CLIC6: variants seen among roughly 807,000 people sequenced by gnomAD.
The protein encoded by CLIC6 is chloride intracellular channel protein 6.
A neutral mutation model predicts 49.2 loss-of-function variants in CLIC6; 39 were observed. That is an observed-to-expected ratio of 0.79 (90% CI 0.61 to 1.04). The LOEUF is 1.04. Among genes scored for constraint, CLIC6 ranks in the 50% least tolerant of loss-of-function variants. CLIC6 has a pLI of 0.00. For missense variants in CLIC6, 988 were observed against 993.1 expected (o/e 0.99, Z 0.07); for synonymous variants, 446 against 433.4 (o/e 1.03, Z -0.36).
chr21:34,705,587 C>T (rs1009579314), intron 1 of CLIC6, among the ~76,000 whole-genome samples: 1 of 152,012 alleles, frequency 6.6e-6, no homozygotes, highest in Admixed American at 6.6e-5. Context: ...TTAATGCTGG[C>T]GTGGGGAGGG....
At chr21:34,705,964 A>C in intron 1 of CLIC6, 1 of 625,546 alleles carries the variant, frequency 1.6e-6, no homozygotes. Flanking sequence ...AGCAGGACCC[A>C]CTGAATCAAA....
chr21:34,670,426 C>T lies in CLIC6; in HGVS notation c.1038C>T (p.Ala346=). 2.1e-6 allele frequency: 3 copies of T among 1,461,120 alleles called. No homozygotes were observed. Among genetic ancestry groups the T allele is most frequent in the Non-Finnish European group, 2.7e-6 (3 of 1,107,444 alleles). 90.5% of individuals were successfully genotyped at this position (1,461,120 alleles called of 1,614,324 possible). A position where few individuals can be genotyped will look rare whatever the true frequency, so the allele number is the denominator to read the frequency against. Residue 346 remains alanine, a synonymous_variant, in exon 1 of 6, where the codon GCC becomes GCT. Coordinates refer to ENST00000349499, the MANE Select transcript of CLIC6 (RefSeq NM_053277.3). Reference sequence around the variant, plus strand: ...GGGTAAAGGGGTCCGAAGAAGCGGCCCCCGGGGACGCAAGGGCAGACGCTG... The same window carrying T: ...GGGTAAAGGGGTCCGAAGAAGCGGCTCCCGGGGACGCAAGGGCAGACGCTG... ...VPGVKGSEEA[A]PGDARADAGE...
In CLIC6 at chr21:34,670,279, G is replaced by A. The variant is rs1245953034; in HGVS notation, c.891G>A (p.Gln297=). 3.5e-6 allele frequency: 5 copies of A among 1,443,284 alleles called. No homozygotes were observed. Among genetic ancestry groups the A allele is most frequent in the Admixed American group, 2.7e-5 (1 of 36,412 alleles). 89.4% of individuals were successfully genotyped at this position (1,443,284 alleles called of 1,614,324 possible). A position where few individuals can be genotyped will look rare whatever the true frequency, so the allele number is the denominator to read the frequency against. The change falls in exon 1 of 6, where the codon CAG becomes CAA. Residue 297 remains glutamine (Q), a synonymous_variant. Coordinates refer to ENST00000349499, the MANE Select transcript of CLIC6 (RefSeq NM_053277.3). The part of the protein sequence containing the change: ...GRARRVSGEP[Q]QSGDGSLSPQ... Reference sequence around the variant, plus strand: ...CGCGCCGGGTCTCGGGTGAGCCGCAGCAATCGGGGGACGGCAGCCTCTCGC... The same window carrying A: ...CGCGCCGGGTCTCGGGTGAGCCGCAACAATCGGGGGACGGCAGCCTCTCGC...
intron 1 of CLIC6, among the ~76,000 whole-genome samples, chr21:34,704,590 T>G (rs2834595): frequency 0.055 from 8,322 of 152,260 alleles, 746 homozygotes; most frequent in African/African-American, 0.19. Flanking sequence ...TTCCGTGTCT[T>G]AAGCTGTGGC....
chr21:34,695,080 G>A (rs750983823), intron 1 of CLIC6, among the ~76,000 whole-genome samples: 1 of 152,182 alleles, frequency 6.6e-6, no homozygotes, highest in Non-Finnish European at 1.5e-5. Context: ...CAGTTCTGTT[G>A]ATCAGAAACT....
intron 1 of CLIC6, among the ~76,000 whole-genome samples, chr21:34,681,900 T>C (rs1351273076): frequency 6.6e-6 from 1 of 152,192 alleles, no homozygotes; most frequent in African/African-American, 2.4e-5. Flanking sequence ...ACATCTACTT[T>C]TTTTTCCACA....
intron 1 of CLIC6, among the ~76,000 whole-genome samples, chr21:34,686,980 G>A (rs1209846973): frequency 6.6e-6 from 1 of 152,166 alleles, no homozygotes; most frequent in Non-Finnish European, 1.5e-5. Flanking sequence ...GGCAAACCTC[G>A]CTCAAATCCT....
chr21:34,692,228 G>A (rs1169423387), intron 1 of CLIC6, among the ~76,000 whole-genome samples: 4 of 152,362 alleles, frequency 2.6e-5, no homozygotes, highest in African/African-American at 7.2e-5. Context: ...CCTTCACTTT[G>A]TGTATAAGGA....
chr21:34,706,388 C>T (rs1487581122), intron 1 of CLIC6, among the ~76,000 whole-genome samples: 19 of 152,300 alleles, frequency 1.2e-4, no homozygotes, highest in Admixed American at 7.2e-4. Context: ...AATCACTTCC[C>T]GTCAGGCCCT....
At chr21:34,712,517 G>A (rs1439642259) in intron 5 of CLIC6, among the ~76,000 whole-genome samples, 1 of 152,142 alleles carries the variant, frequency 6.6e-6, no homozygotes, top group Non-Finnish European at 1.5e-5. Flanking sequence ...TTTGCTTGAG[G>A]CCTAGAGCAT....
intron 1 of CLIC6, among the ~76,000 whole-genome samples, chr21:34,694,821 GGC>G (rs1990063751): frequency 6.6e-6 from 1 of 152,200 alleles, no homozygotes; most frequent in African/African-American, 2.4e-5. Flanking sequence ...TGGCATCCAT[GGC>G]CATCATGCAA....
rs557705617 is a variant in CLIC6, at chr21:34,672,235, T to C, written c.1374+1473T>C. ...TGTGTAAAATTCTTCAGTTGTTTAT[T>C]GCAGAATTTCAGGTAAATCCCCACT... On this transcript the variant is annotated intron_variant, in intron 1 of 5. Coordinates refer to ENST00000349499, the MANE Select transcript of CLIC6 (RefSeq NM_053277.3). Among the ~76,000 whole-genome samples, 5 of 152,326 alleles carry C rather than the reference T, an allele frequency of 3.3e-5. No homozygotes were observed. In the East Asian group the frequency reaches 9.6e-4, roughly 29 times the overall value.
Position 34,669,280 on chromosome 21 carries a change from C to A in CLIC6, c.-109C>A. The A allele has an allele frequency of 1.1e-6, 1 of 925,086 alleles. No homozygotes were observed. Among genetic ancestry groups the A allele is most frequent in the Middle Eastern group, 3.6e-4 (1 of 2,740 alleles). The allele number at this position is 925,086 out of a possible 1,614,324, so 57.3% of individuals were successfully genotyped here. ...CTTTGCCGCAGGATCCCGGAGCCGG[C>A]GTCCTTCAAGGAGCACAGAGGGCCC... On this transcript the variant is annotated 5_prime_UTR_variant, in exon 1 of 6. Transcript: ENST00000349499.
At chr21:34,701,616 C>T (rs537445429) in intron 1 of CLIC6, among the ~76,000 whole-genome samples, 2 of 152,134 alleles carry the variant, frequency 1.3e-5, no homozygotes, top group South Asian at 4.2e-4. Context: ...CTGAATCGCC[C>T]GAGGCCACAC....
intron 1 of CLIC6, among the ~76,000 whole-genome samples, chr21:34,698,592 A>C (rs1048720779): frequency 3.3e-5 from 5 of 152,152 alleles, no homozygotes; most frequent in Non-Finnish European, 7.4e-5. Context: ...CAAGGTCCTA[A>C]GTGTTGTGTC....
chr21:34,708,345 G>A (rs914514232), intron 3 of CLIC6, among the ~76,000 whole-genome samples: 6 of 152,184 alleles, frequency 3.9e-5, no homozygotes, highest in African/African-American at 1.2e-4. Flanking sequence ...CCTGCTGGAA[G>A]CTATGGAGTA....
At chr21:34,710,054 C>T (rs1480822465) in intron 5 of CLIC6, among the ~76,000 whole-genome samples, 1 of 151,800 alleles carries the variant, frequency 6.6e-6, no homozygotes, top group Non-Finnish European at 1.5e-5. Flanking sequence ...GGGAGGATTG[C>T]TTGAGGCCAG....
At position 34,669,668 on chromosome 21, in the gene CLIC6, G is replaced by T. The variant is rs1391958577; in HGVS notation, c.280G>T (p.Glu94Ter). The T allele has an allele frequency of 1.5e-6, 2 of 1,346,156 alleles. No individual in the cohort carries two copies. The highest frequency in any genetic ancestry group is 1.9e-6 in the Non-Finnish European group (2 of 1,055,080). 83.4% of individuals were successfully genotyped at this position (1,346,156 alleles called of 1,614,324 possible). The change falls in exon 1 of 6, where the codon GAG becomes TAG. Residue 94 changes from glutamate to a stop codon, truncating the protein, a stop_gained. Transcript: ENST00000349499. LOFTEE classifies it high-confidence loss of function. Reference sequence around the variant, plus strand: ...CGAGGAGGGAGCCCCGGAGGGTGCCGAGGTGCCCCAAGGAGGGGAGGAGAC... The same window carrying T: ...CGAGGAGGGAGCCCCGGAGGGTGCCTAGGTGCCCCAAGGAGGGGAGGAGAC... ...EAEEGAPEGA[E>*]VPQGGEETSG...
At chr21:34,672,732 G>A (rs142830632) in intron 1 of CLIC6, among the ~76,000 whole-genome samples, 393 of 152,308 alleles carry the variant, frequency 2.6e-3, no homozygotes, top group African/African-American at 8.7e-3. Flanking sequence ...CAGTGGGTCT[G>A]GGATCAAATC....
Sources: allele counts gnomAD v4.1 joint callset (sites outside exome capture counted in the v4.1 genomes callset), GRCh38; gene constraint gnomAD v4.1.1; transcripts MANE v1.5; gene names NCBI Gene and HGNC (gene_info 2026-07-23, HGNC 2026-07-21).